Variants in TAF2 observed in about 807,000 individuals in gnomAD.
The protein encoded by TAF2 is transcription initiation factor TFIID subunit 2.
TAF2 carries 61 observed loss-of-function variants against 138.5 expected under a neutral mutation model. The observed-to-expected ratio is 0.44, with a 90% CI of 0.36 to 0.54. TAF2 has a LOEUF of 0.54. TAF2 is among the 20% of genes least tolerant of loss of function. The probability of loss-of-function intolerance (pLI) is 0.00; values close to 1 mark genes in which losing one functional copy is unlikely to be tolerated. For missense variants in TAF2, 1,090 were observed against 1,427.9 expected (o/e 0.76, Z 3.81); for synonymous variants, 475 against 469.9 (o/e 1.01, Z -0.14).
chr8:119,745,123 C>T (rs923071890), intron 23 of TAF2: 1 of 422,944 alleles, frequency 2.4e-6, no homozygotes, highest in Non-Finnish European at 4.7e-6. Context: ...AGCAACCATG[C>T]AGATTAGAGC....
chr8:119,739,211 A>G (rs1819434485), intron 25 of TAF2, among the ~76,000 whole-genome samples: 1 of 151,926 alleles, frequency 6.6e-6, no homozygotes, highest in Non-Finnish European at 1.5e-5. Context: ...TGCAATCCCT[A>G]CAGTAACCTG....
intron 23 of TAF2, 40 bp downstream of exon 23, chr8:119,746,665 A>G (rs763085454): frequency 6.3e-7 from 1 of 1,588,668 alleles, no homozygotes; most frequent in Non-Finnish European, 8.6e-7. Flanking sequence ...GATCCTCTAT[A>G]TAATGAAACT....
At chr8:119,782,537 T>C (rs547898888) in intron 16 of TAF2, among the ~76,000 whole-genome samples, 18 of 152,290 alleles carry the variant, frequency 1.2e-4, no homozygotes, top group South Asian at 6.2e-4. Flanking sequence ...CATTATTAAC[T>C]TGTTGAAATA....
Position 119,832,820 on chromosome 8 carries a change from C to T in TAF2, c.-256G>A. On this transcript the variant is annotated 5_prime_UTR_variant, in exon 1 of 26. Coordinates refer to ENST00000378164, the MANE Select transcript of TAF2 (RefSeq NM_003184.4). ...GCAAGGGCTCGAAGCTACCATCCGC[C>T]GACATCTTGTCTGTAACCTCTGACC... The T allele has an allele frequency of 2.2e-6, 1 of 451,120 alleles. No individual in the cohort carries two copies. The highest frequency in any genetic ancestry group is 4.0e-6 in the Non-Finnish European group (1 of 253,072). 27.9% of individuals were successfully genotyped at this position (451,120 alleles called of 1,614,324 possible). A position where few individuals can be genotyped will look rare whatever the true frequency, so the allele number is the denominator to read the frequency against.
intron 11 of TAF2, 115 bp downstream of exon 11, chr8:119,791,209 G>T (rs1052160214): frequency 1.6e-6 from 2 of 1,261,268 alleles, no homozygotes; most frequent in African/African-American, 1.5e-5. Flanking sequence ...TTACTTAGTG[G>T]GCAAACAAAA....
intron 17 of TAF2, among the ~76,000 whole-genome samples, chr8:119,779,063 C>T (rs939805093): frequency 6.6e-6 from 1 of 152,056 alleles, no homozygotes; most frequent in Non-Finnish European, 1.5e-5. Flanking sequence ...GGCGCTTTTC[C>T]GTAGAAATAC....
At position 119,778,014 on chromosome 8, in the gene TAF2, C is replaced by T. The variant is rs1822377432; in HGVS notation, c.2364+5G>A. On this transcript the variant is annotated splice_donor_5th_base_variant and intron_variant, in intron 18 of 25. Coordinates refer to ENST00000378164, the MANE Select transcript of TAF2 (RefSeq NM_003184.4). ...GTAGAAGATTTAAAAATAAAAGTACCTCACCTTATTTTTCCTGTTGTCATT... is the reference window on the plus strand; with the variant it reads ...GTAGAAGATTTAAAAATAAAAGTACTTCACCTTATTTTTCCTGTTGTCATT... The T allele has an allele frequency of 7.0e-7, 1 of 1,430,236 alleles. No individual in the cohort carries two copies. The highest frequency in any genetic ancestry group is 1.2e-5 in the South Asian group (1 of 83,832). The allele number at this position is 1,430,236 out of a possible 1,614,324, so 88.6% of individuals were successfully genotyped here. A position where few individuals can be genotyped will look rare whatever the true frequency, so the allele number is the denominator to read the frequency against.
chr8:119,776,624 G>A (rs1479543459), intron 18 of TAF2, among the ~76,000 whole-genome samples: 2 of 151,836 alleles, frequency 1.3e-5, no homozygotes, highest in South Asian at 2.1e-4. Flanking sequence ...GGGAGATGGA[G>A]CTTGCAGTGA....
At chr8:119,791,658 C>A (rs2131171442) in intron 10 of TAF2, 199 bp from the exon 11 acceptor site, 1 of 545,750 alleles carries the variant, frequency 1.8e-6, no homozygotes, top group East Asian at 3.3e-5. Flanking sequence ...AAAGGAAAAT[C>A]TGAATAAATG....
intron 16 of TAF2, among the ~76,000 whole-genome samples, chr8:119,783,040 G>A (rs1365249898): frequency 6.6e-6 from 1 of 151,852 alleles, no homozygotes. Context: ...GAGATTTCAT[G>A]TACTACAATG....
At chr8:119,751,701 GAATT>G (rs771726856) in intron 22 of TAF2, among the ~76,000 whole-genome samples, 3 of 152,048 alleles carry the variant, frequency 2.0e-5, no homozygotes, top group Admixed American at 1.3e-4. Flanking sequence ...AAAAAACAGT[GAATT>G]AATATGTGAA....
chr8:119,818,780 C>T (rs536715873), intron 3 of TAF2, among the ~76,000 whole-genome samples: 17 of 146,802 alleles, frequency 1.2e-4, no homozygotes, highest in South Asian at 8.9e-4. Flanking sequence ...AAAATGGAAA[C>T]AAAGTATGAA....
At chr8:119,759,473 TTTTAAG>T (rs1563838212) in intron 20 of TAF2, among the ~76,000 whole-genome samples, 2 of 152,128 alleles carry the variant, frequency 1.3e-5, no homozygotes, top group African/African-American at 2.4e-5. Flanking sequence ...TTTAGCATAC[TTTTAAG>T]TTTTTTACTC....
intron 3 of TAF2, among the ~76,000 whole-genome samples, chr8:119,810,669 T>C (rs1242186114): frequency 1.3e-5 from 2 of 152,170 alleles, no homozygotes; most frequent in Non-Finnish European, 2.9e-5. Flanking sequence ...ACCATCTAAT[T>C]TTAAGGACTA....
intron 3 of TAF2, among the ~76,000 whole-genome samples, chr8:119,811,636 C>A (rs562119276): frequency 6.6e-6 from 1 of 151,644 alleles, no homozygotes; most frequent in Non-Finnish European, 1.5e-5. Flanking sequence ...GAAACCCCGT[C>A]TCTACTAAAA....
At chr8:119,806,515 G>C in intron 3 of TAF2, 114 bp from the exon 4 acceptor site, 1 of 811,518 alleles carries the variant, frequency 1.2e-6, no homozygotes, top group African/African-American at 1.8e-5. Context: ...TGTTGCCCAG[G>C]CCAGAGGTCA....
chr8:119,731,823 G>C lies in TAF2; in HGVS notation c.*101C>G. Reference sequence around the variant, plus strand: ...AATTCAGAATTTCTGTAGGAGAGGCGAATCCTTTCCCCCCTCCCTTTTATA... The same window carrying C: ...AATTCAGAATTTCTGTAGGAGAGGCCAATCCTTTCCCCCCTCCCTTTTATA... On this transcript the variant is annotated 3_prime_UTR_variant, in exon 26 of 26. Transcript: ENST00000378164. 8.4e-7 allele frequency: 1 copy of C among 1,195,734 alleles called. No homozygotes were observed. The highest frequency in any genetic ancestry group is 1.2e-6 in the Non-Finnish European group (1 of 804,324). The allele number at this position is 1,195,734 out of a possible 1,614,324, so 74.1% of individuals were successfully genotyped here.
rs116094222 is a variant in TAF2 at position 119,734,848 on chromosome 8, A to G, written c.3338-2662T>C. 9.1e-3 allele frequency among the ~76,000 whole-genome samples: 1,392 copies of G among 152,344 alleles called. 19 individuals carry two copies. The highest frequency in any genetic ancestry group is 0.032 in the African/African-American group (1,327 of 41,572). ...GTTGGGGGAAGAGGGGGATTAGAGA[A>G]GCAAAGTTCTCCAGGAAAGTAATGG... On this transcript the variant is annotated intron_variant, in intron 25 of 25. Transcript: ENST00000378164.
chr8:119,802,966 G>A (rs1334315505), intron 5 of TAF2, among the ~76,000 whole-genome samples: 10 of 152,010 alleles, frequency 6.6e-5, no homozygotes, highest in Admixed American at 6.6e-4. Context: ...AAAATAATTA[G>A]CCAGGTGTGG....
Sources: gnomAD v4.1 joint callset for allele counts (sites outside exome capture counted in the v4.1 genomes callset) on GRCh38, gnomAD v4.1.1 for gene constraint, MANE v1.5 for transcripts, NCBI Gene and HGNC (gene_info 2026-07-23, HGNC 2026-07-21) for gene names.